COL23A1: variants seen among roughly 807,000 people sequenced by gnomAD.
COL23A1 encodes collagen type XXIII alpha 1 chain.
A neutral mutation model predicts 99.3 loss-of-function variants in COL23A1; 97 were observed. The observed-to-expected ratio is 0.98, with a 90% confidence interval of 0.83 to 1.16. The LOEUF (loss-of-function observed/expected upper bound fraction) is 1.16. COL23A1 is among the 50% of genes most tolerant of loss of function. The probability of loss-of-function intolerance (pLI) is 0.00; values close to 1 mark genes in which losing one functional copy is unlikely to be tolerated. For synonymous variants in COL23A1, 320 were observed against 308.2 expected, an observed-to-expected ratio of 1.04 and a Z score of -0.40; for missense variants, 762 against 757.4, an observed-to-expected ratio of 1.01 and a Z score of -0.07.
chr5:178,452,212 G>C (rs1447277680), intron 2 of COL23A1, among the ~76,000 whole-genome samples: 1 of 152,170 alleles, frequency 6.6e-6, no homozygotes, highest in Non-Finnish European at 1.5e-5. Context: ...CTGTGGACAA[G>C]AATTTAATTT....
In COL23A1 at chr5:178,263,196, G is replaced by A; in HGVS notation, c.639+12C>T. On this transcript the variant is annotated intron_variant, in intron 9 of 28. Transcript: ENST00000390654. ...CAAGTCCTGCGTGGCCCAACTCCATGCCCTCTCTTACCGCTGGGCCTTGTG... is the reference window on the plus strand; with the variant it reads ...CAAGTCCTGCGTGGCCCAACTCCATACCCTCTCTTACCGCTGGGCCTTGTG... 4 of 1,593,554 alleles carry A rather than the reference G, an allele frequency of 2.5e-6. No individual in the cohort carries two copies. The highest frequency in any genetic ancestry group is 1.7e-6 in the Non-Finnish European group (2 of 1,161,430).
chr5:178,566,345 A>G (rs950664545), intron 1 of COL23A1, among the ~76,000 whole-genome samples: 3 of 152,322 alleles, frequency 2.0e-5, no homozygotes, highest in Admixed American at 2.0e-4. Context: ...AGCACTGTCC[A>G]TCCCAAAGAG....
chr5:178,372,429 AGAAG>A (rs1762848318), intron 2 of COL23A1, among the ~76,000 whole-genome samples: 1 of 152,246 alleles, frequency 6.6e-6, no homozygotes, highest in Non-Finnish European at 1.5e-5. Flanking sequence ...GAGGAAATGA[AGAAG>A]GAAGGACAGA....
intron 2 of COL23A1, among the ~76,000 whole-genome samples, chr5:178,326,206 C>T (rs780188757): frequency 1.3e-5 from 2 of 152,154 alleles, no homozygotes; most frequent in South Asian, 2.1e-4. Flanking sequence ...CACGTGCTCG[C>T]GGCAAGCCTG....
chr5:178,515,913 C>T (rs966600429), intron 2 of COL23A1, among the ~76,000 whole-genome samples: 10 of 152,132 alleles, frequency 6.6e-5, no homozygotes, highest in African/African-American at 2.4e-4. Flanking sequence ...CGGTCCAGTG[C>T]TCGGGGTCAC....
At position 178,421,098 on chromosome 5, in the gene COL23A1, C is replaced by T. The variant is rs1218197823; in HGVS notation, c.362-114179G>A. 2.6e-5 allele frequency among the ~76,000 whole-genome samples: 4 copies of T among 152,106 alleles called. No individual in the cohort carries two copies. In the East Asian group the frequency reaches 7.7e-4, roughly 29 times the overall value. On this transcript the variant is annotated intron_variant, in intron 2 of 28. Coordinates refer to ENST00000390654, the MANE Select transcript of COL23A1 (RefSeq NM_173465.4). ...TTTCCATTTTCTCTTAATAAATAGG[C>T]TGGTCTGGGGAAAAAGGTTCTGGAA... is the stretch of plus-strand genomic sequence containing the variant.
intron 2 of COL23A1, among the ~76,000 whole-genome samples, chr5:178,546,918 C>T (rs955823492): frequency 6.6e-6 from 1 of 152,072 alleles, no homozygotes; most frequent in Admixed American, 6.5e-5. Context: ...CTGTGTGAGG[C>T]CCCTGGAGGA....
In COL23A1 at chr5:178,268,735, C is replaced by T. The variant is rs750889894; in HGVS notation, c.490G>A (p.Glu164Lys). 1.1e-5 allele frequency: 17 copies of T among 1,604,128 alleles called. No individual in the cohort carries two copies. The Admixed American group carries it at 2.5e-4, about 24-fold the overall frequency. Residue 164 changes from glutamate to lysine, a missense_variant, in exon 7 of 29, where the codon GAA becomes AAA. Coordinates refer to ENST00000390654, the MANE Select transcript of COL23A1 (RefSeq NM_173465.4). Reference protein sequence around the residue: ...GKPGLPGPKGEKGAPGDFGPR... With the variant: ...GKPGLPGPKGKKGAPGDFGPR... ...CAGCCTCTGGCATCACTTACCTTTTCCCCTTTCGGGCCTGGAAGTCCCTGG... is the reference window on the plus strand; with the variant it reads ...CAGCCTCTGGCATCACTTACCTTTTTCCCTTTCGGGCCTGGAAGTCCCTGG...
At chr5:178,409,506 T>C (rs1764956168) in intron 2 of COL23A1, among the ~76,000 whole-genome samples, 1 of 145,162 alleles carries the variant, frequency 6.9e-6, no homozygotes, top group African/African-American at 2.6e-5. Context: ...GTGTGTGTGA[T>C]AAAATGGCAC....
intron 3 of COL23A1, among the ~76,000 whole-genome samples, chr5:178,301,003 C>G (rs958321149): frequency 8.4e-5 from 12 of 142,422 alleles, no homozygotes; most frequent in African/African-American, 3.2e-4. Context: ...GAAGATTTGG[C>G]CATTTTTTTC....
intron 2 of COL23A1, among the ~76,000 whole-genome samples, chr5:178,389,322 C>T (rs1166564635): frequency 6.6e-6 from 1 of 152,204 alleles, no homozygotes. Context: ...ATTCCCTTTC[C>T]AAAGGTGGGT....
intron 2 of COL23A1, among the ~76,000 whole-genome samples, chr5:178,352,415 G>A (rs1761382525): frequency 6.6e-6 from 1 of 152,250 alleles, no homozygotes; most frequent in South Asian, 2.1e-4. Context: ...GCTGAAGAAT[G>A]AACGTGGAGG....
At chr5:178,296,874 T>G (rs1162272554) in intron 3 of COL23A1, among the ~76,000 whole-genome samples, 2 of 152,138 alleles carry the variant, frequency 1.3e-5, no homozygotes, top group Non-Finnish European at 2.9e-5. Flanking sequence ...CAGGCTACCA[T>G]TGCTTCATGC....
chr5:178,282,810 A>C (rs547425714), intron 5 of COL23A1, among the ~76,000 whole-genome samples: 26 of 152,096 alleles, frequency 1.7e-4, no homozygotes, highest in Non-Finnish European at 3.7e-4. Context: ...AGGAAGCACC[A>C]TGAGTGGGGG....
In COL23A1 at chr5:178,518,598, G is replaced by C. The variant is rs865837078; in HGVS notation, c.361+42084C>G. Among the ~76,000 whole-genome samples, 138 of 107,370 alleles carry C rather than the reference G, an allele frequency of 1.3e-3. 1 individual carries two copies. Among genetic ancestry groups the C allele is most frequent in the African/African-American group, 4.7e-3 (129 of 27,414 alleles). The allele number at this position is 107,370 out of a possible 152,430, so 70.4% of individuals were successfully genotyped here. On this transcript the variant is annotated intron_variant, in intron 2 of 28. Transcript: ENST00000390654. ...TCCCAGATGGGGCGGCGGGGCAGAGGCGCTCCTCACATCTCAGACGATGGG... is the reference window on the plus strand; with the variant it reads ...TCCCAGATGGGGCGGCGGGGCAGAGCCGCTCCTCACATCTCAGACGATGGG...
At chr5:178,436,786 G>A (rs999040783) in intron 2 of COL23A1, among the ~76,000 whole-genome samples, 1 of 152,186 alleles carries the variant, frequency 6.6e-6, no homozygotes, top group African/African-American at 2.4e-5. Flanking sequence ...AAGACACAGT[G>A]CCAAGCCCCT....
chr5:178,465,805 G>A (rs960768545), intron 2 of COL23A1, among the ~76,000 whole-genome samples: 2 of 152,230 alleles, frequency 1.3e-5, no homozygotes, highest in African/African-American at 2.4e-5. Context: ...TTCAACAGCA[G>A]TGAGTCCTCT....
At position 178,370,557 on chromosome 5, in the gene COL23A1, G is replaced by T. The variant is rs554943476; in HGVS notation, c.362-63638C>A. The stretch of plus-strand genomic sequence containing the variant: ...GGATATAGAGTTTCATTAGACAGGG[G>T]GAAGAAATTCAAGAGAGCTACTGTC... On this transcript the variant is annotated intron_variant, in intron 2 of 28. Coordinates refer to ENST00000390654, the MANE Select transcript of COL23A1 (RefSeq NM_173465.4). Among the ~76,000 whole-genome samples the T allele has an allele frequency of 2.6e-5, 4 of 152,232 alleles. No individual in the cohort carries two copies. The East Asian group carries it at 7.8e-4, about 30-fold the overall frequency.
intron 2 of COL23A1, among the ~76,000 whole-genome samples, chr5:178,358,279 TATGCGTGTGC>T (rs1352919443): frequency 6.7e-6 from 1 of 149,326 alleles, no homozygotes; most frequent in Non-Finnish European, 1.5e-5. Flanking sequence ...TATATGTGTG[TATGCGTGTGC>T]GTATATGTAT....
Sources: allele counts gnomAD v4.1 joint callset (sites outside exome capture counted in the v4.1 genomes callset), GRCh38; gene constraint gnomAD v4.1.1; transcripts MANE v1.5; gene names NCBI Gene and HGNC (gene_info 2026-07-23, HGNC 2026-07-21).